ZNF558: variants seen among roughly 807,000 people sequenced by gnomAD.
The protein encoded by ZNF558 is zinc finger protein 558.
In ZNF558, 23 loss-of-function variants were observed where a neutral mutation model predicts 37.6. That is an observed-to-expected ratio of 0.61 (90% CI 0.44 to 0.87). The LOEUF (loss-of-function observed/expected upper bound fraction) is 0.87, where lower values mean the gene tolerates loss of function less well. Ranked by LOEUF, ZNF558 falls within the 40% of genes least tolerant of loss-of-function variation. The pLI is 0.00. For missense variants in ZNF558, 429 were observed against 483.7 expected (o/e 0.89, Z 1.06); for synonymous variants, 189 against 174.4 (o/e 1.08, Z -0.66).
chr19:8,819,615 C>T (rs774970826), intron 7 of ZNF558, among the ~76,000 whole-genome samples: 16 of 152,062 alleles, frequency 1.1e-4, no homozygotes, highest in East Asian at 1.9e-4. Context: ...TTTTAAAATC[C>T]GACAACAAAA....
At chr19:8,819,563 A>G (rs1190709267) in intron 7 of ZNF558, among the ~76,000 whole-genome samples, 1 of 152,256 alleles carries the variant, frequency 6.6e-6, no homozygotes, top group East Asian at 1.9e-4. Flanking sequence ...TTTATGTATT[A>G]TATTTTGAAT....
rs552557908 is a variant in ZNF558, at chr19:8,806,292, T to A, written c.*4989A>T. The stretch of plus-strand genomic sequence containing the variant: ...ACTTGCATCTTATGTTTCCTGTTGA[T>A]CTTAATTCCTGGAATTATGTATGTC... On this transcript the variant is annotated 3_prime_UTR_variant, in exon 10 of 10. Coordinates refer to ENST00000601372, the MANE Select transcript of ZNF558 (RefSeq NM_144693.3). 1 of 152,334 alleles carries A rather than the reference T, an allele frequency of 6.6e-6. No homozygotes were observed. Among genetic ancestry groups the A allele is most frequent in the South Asian group, 2.1e-4 (1 of 4,828 alleles). 9.4% of individuals were successfully genotyped at this position (152,334 alleles called of 1,614,324 possible). A position where few individuals can be genotyped will look rare whatever the true frequency, so the allele number is the denominator to read the frequency against.
chr19:8,820,347 T>C (rs1300855980), intron 7 of ZNF558, among the ~76,000 whole-genome samples: 2 of 152,184 alleles, frequency 1.3e-5, no homozygotes, highest in African/African-American at 2.4e-5. Context: ...TTATTCTTGA[T>C]AGTCAAAGAG....
chr19:8,812,348 T>C (rs1206740523), intron 9 of ZNF558, among the ~76,000 whole-genome samples: 2 of 152,230 alleles, frequency 1.3e-5, no homozygotes, highest in African/African-American at 2.4e-5. Flanking sequence ...AGGAAATATT[T>C]ACTTGTGGGA....
At chr19:8,828,326 C>T (rs11085741) in intron 2 of ZNF558, among the ~76,000 whole-genome samples, 3 of 152,228 alleles carry the variant, frequency 2.0e-5, no homozygotes, top group East Asian at 1.9e-4. Flanking sequence ...GGGACTCCCA[C>T]TGAGGACCCC....
chr19:8,821,991 C>T lies in ZNF558; in HGVS notation c.120+12G>A. The T allele has an allele frequency of 6.2e-7, 1 of 1,613,808 alleles. No homozygotes were observed. Among genetic ancestry groups the T allele is most frequent in the Non-Finnish European group, 8.5e-7 (1 of 1,179,798 alleles). The stretch of plus-strand genomic sequence containing the variant: ...AGGAATAATGATTTGGGAAAAGGAA[C>T]ATCTGACTCACCCGTAGCCAGCTTG... On this transcript the variant is annotated intron_variant, in intron 6 of 9. Transcript: ENST00000601372.
At chr19:8,826,862 T>C (rs1246954427) in intron 2 of ZNF558, among the ~76,000 whole-genome samples, 5 of 152,184 alleles carry the variant, frequency 3.3e-5, no homozygotes, top group Admixed American at 3.3e-4. Flanking sequence ...ACCTTCCCTT[T>C]GGGTGAGTTC....
chr19:8,817,336 C>A (rs1267461188), intron 7 of ZNF558, among the ~76,000 whole-genome samples: 2 of 152,090 alleles, frequency 1.3e-5, no homozygotes. Context: ...TTCAAGTACC[C>A]TACAACCATT....
intron 1 of ZNF558, 180 bp downstream of exon 1, chr19:8,832,029 A>T (rs921446538): frequency 6.6e-6 from 1 of 152,414 alleles, no homozygotes; most frequent in Non-Finnish European, 1.5e-5. Flanking sequence ...TGAGGAGGCA[A>T]CAGCGGCGCG....
intron 7 of ZNF558, 132 bp from the exon 8 acceptor site, chr19:8,813,354 C>A: frequency 1.5e-6 from 1 of 686,572 alleles, no homozygotes; most frequent in Non-Finnish European, 2.5e-6. Context: ...TGCCTTAATT[C>A]TTTTCTTTTT....
upstream of ZNF558, among the ~76,000 whole-genome samples, chr19:8,834,833 T>C (rs76160082): frequency 1.2e-3 from 187 of 152,088 alleles, 4 homozygotes; most frequent in East Asian, 0.03. Context: ...TTCTTAGATA[T>C]GACATCAAAA....
intron 7 of ZNF558, 61 bp downstream of exon 7, chr19:8,821,119 A>G (rs1019954613): frequency 1.0e-4 from 158 of 1,572,468 alleles, no homozygotes; most frequent in Non-Finnish European, 1.8e-5. Flanking sequence ...AAAAGTAAGC[A>G]AAGCAGGCAA....
rs73491457 is a variant in ZNF558, at chr19:8,811,521, G to A, written c.969C>T (p.Asn323=). The change falls in exon 10 of 10, where the codon AAC becomes AAT. Residue 323 remains asparagine, a synonymous_variant. Coordinates refer to ENST00000601372, the MANE Select transcript of ZNF558 (RefSeq NM_144693.3). ...TACTGCTGAAGGATTTCCCACACTC[G>A]TTACATTCATAGGGTTTTTCTCCAG... ...THTGEKPYEC[N]ECGKSFSSSF... 4.8e-5 allele frequency: 77 copies of A among 1,614,074 alleles called. No individual in the cohort carries two copies. In the African/African-American group the frequency reaches 5.1e-4, roughly 11 times the overall value.
chr19:8,827,753 T>C (rs2044265679), intron 2 of ZNF558, among the ~76,000 whole-genome samples: 1 of 152,062 alleles, frequency 6.6e-6, no homozygotes, highest in South Asian at 2.1e-4. Flanking sequence ...TTCGTATTTT[T>C]AGTAGAGACG....
intron 4 of ZNF558, among the ~76,000 whole-genome samples, chr19:8,823,304 C>T (rs180978375): frequency 4.0e-5 from 6 of 151,886 alleles, no homozygotes; most frequent in African/African-American, 9.6e-5. Context: ...TTTCTCTCAC[C>T]GCATGTCCTC....
chr19:8,818,960 T>C (rs2044011931), intron 7 of ZNF558, among the ~76,000 whole-genome samples: 1 of 152,212 alleles, frequency 6.6e-6, no homozygotes, highest in East Asian at 1.9e-4. Flanking sequence ...CAACTGGATA[T>C]ACACACATGC....
Position 8,822,218 on chromosome 19 carries a change from C to A in ZNF558, c.32-127G>T. 9.0e-7 allele frequency: 1 copy of A among 1,108,124 alleles called. No homozygotes were observed. The allele number at this position is 1,108,124 out of a possible 1,614,324, so 68.6% of individuals were successfully genotyped here. Reference sequence around the variant, plus strand: ...CACCACACAGTGCCCACCTACGCTCCATGCAAACACCTACCCACAGCTCTC... The same window carrying A: ...CACCACACAGTGCCCACCTACGCTCAATGCAAACACCTACCCACAGCTCTC... On this transcript the variant is annotated intron_variant, in intron 5 of 9. Coordinates refer to ENST00000601372, the MANE Select transcript of ZNF558 (RefSeq NM_144693.3). The surrounding 1 kb of genome is among the most constrained non-coding windows in gnomAD (Gnocchi z 4.4).
chr19:8,819,208 G>A (rs1294000764), intron 7 of ZNF558, among the ~76,000 whole-genome samples: 6 of 152,136 alleles, frequency 3.9e-5, no homozygotes, highest in East Asian at 1.9e-4. Context: ...CTTCTGAGAC[G>A]GAGTCTCGTT....
At position 8,808,371 on chromosome 19, in the gene ZNF558, TATGTAAAA is replaced by T. The variant is rs2043720492; in HGVS notation, c.*2902_*2909del. 2.1e-5 allele frequency: 3 copies of T among 141,414 alleles called. No individual in the cohort carries two copies. In the South Asian group the frequency reaches 7.4e-4, roughly 35 times the overall value. 8.8% of individuals were successfully genotyped at this position (141,414 alleles called of 1,614,324 possible). ...TTATTAATGCATTACAATACTTTGC[TATGTAAAA>T]ATATCATCTCCACATAAAAAGGAAT... On this transcript the variant is annotated 3_prime_UTR_variant, in exon 10 of 10. Coordinates refer to ENST00000601372, the MANE Select transcript of ZNF558 (RefSeq NM_144693.3).
Sources: allele counts gnomAD v4.1 joint callset (sites outside exome capture counted in the v4.1 genomes callset), GRCh38; gene constraint gnomAD v4.1.1; non-coding constraint Gnocchi (gnomAD v3.1); transcripts MANE v1.5; gene names NCBI Gene and HGNC (gene_info 2026-07-23, HGNC 2026-07-21).